PSAP: variants seen among roughly 807,000 people sequenced by gnomAD.
PSAP encodes precursor of saposins.
A neutral mutation model predicts 66.0 loss-of-function variants in PSAP; 25 were observed. The ratio of observed to expected loss-of-function variants is 0.38; its 90% CI spans 0.28 to 0.53. PSAP has a LOEUF of 0.53. PSAP is among the 20% of genes least tolerant of loss of function. The pLI is 0.83. For missense variants in PSAP, 649 were observed against 668.8 expected (o/e 0.97, Z 0.33); for synonymous variants, 273 against 258.9 (o/e 1.05, Z -0.52).
intron 2 of PSAP, among the ~76,000 whole-genome samples, chr10:71,833,631 A>G (rs1842563886): frequency 6.6e-6 from 1 of 152,214 alleles, no homozygotes; most frequent in Non-Finnish European, 1.5e-5. Flanking sequence ...GTACCACATG[A>G]TGGCCGGCAC....
intron 4 of PSAP, among the ~76,000 whole-genome samples, chr10:71,829,839 A>T (rs1842475708): frequency 6.6e-6 from 1 of 152,010 alleles, no homozygotes; most frequent in African/African-American, 2.4e-5. Context: ...TCTCTACAAA[A>T]ATACAAAAAT....
chr10:71,847,612 T>G (rs144019144), intron 1 of PSAP, among the ~76,000 whole-genome samples: 2 of 151,650 alleles, frequency 1.3e-5, no homozygotes, highest in African/African-American at 2.4e-5. Flanking sequence ...GCTGCTCTCC[T>G]TTCTCCTTTC....
At chr10:71,839,037 T>C (rs1842678947) in intron 1 of PSAP, among the ~76,000 whole-genome samples, 1 of 152,212 alleles carries the variant, frequency 6.6e-6, no homozygotes, top group Non-Finnish European at 1.5e-5. Context: ...TTAATCTCTA[T>C]TCTCATCCTC....
In PSAP at chr10:71,819,795, T is replaced by G; in HGVS notation, c.1111A>C (p.Ile371Leu). 1 of 1,613,944 alleles carries G rather than the reference T, an allele frequency of 6.2e-7. No individual in the cohort carries two copies. Among genetic ancestry groups the G allele is most frequent in the Non-Finnish European group, 8.5e-7 (1 of 1,179,974 alleles). Residue 371 changes from isoleucine to leucine, a missense_variant, in exon 10 of 14, where the codon ATC becomes CTC. Physicochemically the swap from Ile to Leu is conservative, Grantham distance 5 (BLOSUM62 2). Coordinates refer to ENST00000394936, the MANE Select transcript of PSAP (RefSeq NM_002778.4). ...VDTYGSSILSILLEEVSPELV... is the reference protein window; with the variant it reads ...VDTYGSSILSLLLEEVSPELV... Reference sequence around the variant, plus strand: ...TCAGGGCTGACCTCCTCCAGCAGGATGGACAGGATGGAGCTGCCGTACGTG... The same window carrying G: ...TCAGGGCTGACCTCCTCCAGCAGGAGGGACAGGATGGAGCTGCCGTACGTG...
At chr10:71,844,981 A>G (rs954196786) in intron 1 of PSAP, among the ~76,000 whole-genome samples, 3 of 152,222 alleles carry the variant, frequency 2.0e-5, no homozygotes, top group Non-Finnish European at 4.4e-5. Flanking sequence ...GAAAGACCAC[A>G]TTCACATAAT....
At chr10:71,823,821 A>T in intron 7 of PSAP, 3 of 1,218,904 alleles carry the variant, frequency 2.5e-6, no homozygotes, top group Non-Finnish European at 3.2e-6. Context: ...ATACCCAAAA[A>T]AAAAAAAAGC....
At chr10:71,822,165 T>C (rs1464697945) in intron 7 of PSAP, 158 bp from the exon 8 acceptor site, 21 of 942,480 alleles carry the variant, frequency 2.2e-5, no homozygotes, top group East Asian at 5.3e-5. Context: ...CCAGTTTCCA[T>C]GTTAAAGGGC....
chr10:71,835,607 C>A (rs2121537), intron 1 of PSAP, among the ~76,000 whole-genome samples: 1 of 152,034 alleles, frequency 6.6e-6, no homozygotes, highest in African/African-American at 2.4e-5. Flanking sequence ...GCCTATGTTT[C>A]TTAAAACAGG....
intron 1 of PSAP, among the ~76,000 whole-genome samples, chr10:71,850,257 A>G (rs929173092): frequency 1.3e-5 from 2 of 151,850 alleles, no homozygotes; most frequent in Non-Finnish European, 2.9e-5. Flanking sequence ...ATATTTTACA[A>G]CGTGCTCGCT....
chr10:71,818,427 C>T, intron 13 of PSAP, among the ~76,000 whole-genome samples, 190 bp downstream of exon 13: 1 of 152,212 alleles, frequency 6.6e-6, no homozygotes, highest in East Asian at 1.9e-4. Flanking sequence ...CCCTTCACTA[C>T]AAGAGTGTAG....
At position 71,821,804 on chromosome 10, in the gene PSAP, T is replaced by G. The variant is rs1296240964; in HGVS notation, c.909+72A>C. 10 of 1,600,696 alleles carry G rather than the reference T, an allele frequency of 6.2e-6. No individual in the cohort carries two copies. The African/African-American group carries it at 1.1e-4, about 17-fold the overall frequency. ...CGAAAGAAACAAGTGACTCGTAAGA[T>G]GTGATGTGACACAGCAGGGAGTAGT... is the stretch of plus-strand genomic sequence containing the variant. On this transcript the variant is annotated intron_variant, in intron 8 of 13. Coordinates refer to ENST00000394936, the MANE Select transcript of PSAP (RefSeq NM_002778.4).
intron 2 of PSAP, among the ~76,000 whole-genome samples, chr10:71,832,827 C>T (rs990813628): frequency 6.6e-6 from 1 of 151,652 alleles, no homozygotes; most frequent in Middle Eastern, 3.4e-3. Flanking sequence ...ACCAGCCTGA[C>T]CAGCATGTTG....
rs1842225216 is a variant in PSAP, at chr10:71,818,633, G to A, written c.1523C>T (p.Thr508Ile). The change falls in exon 13 of 14, where the codon ACA (threonine) becomes ATA (isoleucine). Residue 508 changes from threonine to isoleucine, a missense_variant. By Grantham distance (89) the Thr-to-Ile change is moderately conservative. Transcript: ENST00000394936. The stretch of plus-strand genomic sequence containing the variant: ...GCTACTCACATTGCACTGGGCTGCT[G>A]TCTCTGTGTTCTGGCACCAGTAGCT... Reference protein sequence around the residue: ...GPSYWCQNTETAAQCNAVEHC... With the variant: ...GPSYWCQNTEIAAQCNAVEHC... The A allele has an allele frequency of 1.2e-6, 2 of 1,613,682 alleles. No individual in the cohort carries two copies. The highest frequency in any genetic ancestry group is 2.7e-5 in the African/African-American group (2 of 74,886).
intron 7 of PSAP, among the ~76,000 whole-genome samples, chr10:71,822,813 C>A (rs953482690): frequency 6.6e-6 from 1 of 152,078 alleles, no homozygotes; most frequent in Non-Finnish European, 1.5e-5. Flanking sequence ...AAAAACAGGA[C>A]CTGTTAAGGG....
chr10:71,841,914 G>A (rs1259150005), intron 1 of PSAP, among the ~76,000 whole-genome samples: 7 of 151,794 alleles, frequency 4.6e-5, no homozygotes, highest in Non-Finnish European at 1.0e-4. Flanking sequence ...GCTGAGGCAG[G>A]AGAATCACTT....
intron 1 of PSAP, among the ~76,000 whole-genome samples, chr10:71,838,016 G>A (rs1169009263): frequency 2.6e-5 from 4 of 152,202 alleles, no homozygotes; most frequent in African/African-American, 9.7e-5. Context: ...GATACTGCAG[G>A]AAGCTTCAGG....
intron 2 of PSAP, among the ~76,000 whole-genome samples, chr10:71,833,515 CTG>C (rs1842560886): frequency 6.6e-6 from 1 of 152,208 alleles, no homozygotes. Flanking sequence ...AATTCACAAA[CTG>C]TTTCTAAAAG....
intron 7 of PSAP, 66 bp downstream of exon 7, chr10:71,825,771 T>C: frequency 6.8e-7 from 1 of 1,473,392 alleles, no homozygotes; most frequent in Non-Finnish European, 9.5e-7. Context: ...ATTTTCAAAA[T>C]TCCTAGAAAT....
chr10:71,851,099 G>A (rs1314216738), intron 1 of PSAP, 83 bp downstream of exon 1: 3 of 1,484,918 alleles, frequency 2.0e-6, no homozygotes, highest in Non-Finnish European at 2.8e-6. Context: ...GGGAGCAGAG[G>A]GGCCAGGCCC....
Sources: allele counts gnomAD v4.1 joint callset (sites outside exome capture counted in the v4.1 genomes callset), GRCh38; gene constraint gnomAD v4.1.1; transcripts MANE v1.5; gene names NCBI Gene and HGNC (gene_info 2026-07-23, HGNC 2026-07-21).